EML1: variants seen among roughly 807,000 people sequenced by gnomAD.
EML1 encodes the protein EMAP like 1.
Under a neutral mutation model 110.4 loss-of-function variants are expected in EML1, and 27 were observed. The ratio of observed to expected loss-of-function variants is 0.24; its 90% CI spans 0.18 to 0.34. The LOEUF is 0.34. Among genes scored for constraint, EML1 ranks in the 10% least tolerant of loss-of-function variants. The probability of loss-of-function intolerance (pLI) is 1.00; values close to 1 mark genes in which losing one functional copy is unlikely to be tolerated. For synonymous variants in EML1, 344 were observed against 385.8 expected, an observed-to-expected ratio of 0.89 and a Z score of 1.27; for missense variants, 741 against 1,030.9, an observed-to-expected ratio of 0.72 and a Z score of 3.85.
chr14:99,846,281 A>ATTTTTTTT (rs1251744096), intron 1 of EML1, among the ~76,000 whole-genome samples: 9 of 109,998 alleles, frequency 8.2e-5, no homozygotes, highest in Non-Finnish European at 1.6e-4. Flanking sequence ...CCAGCTGGTG[A>ATTTTTTTT]TTTTTTTTTT....
rs901910636 is a variant in EML1, at chr14:99,781,617, GT to G, written c.-27+7605del. Among the ~76,000 whole-genome samples the G allele has an allele frequency of 2.5e-4, 38 of 152,174 alleles. No homozygotes were observed. The highest frequency in any genetic ancestry group is 1.0e-4 in the Non-Finnish European group (7 of 68,028). ...GCCCAGGTATGTGCACTTCCCATCA[GT>G]CTTCCTGAAGCACAGTCCTAATTCT... On this transcript the variant is annotated intron_variant, in intron 1 of 22. Transcript: ENST00000327921. This position sits in a 1 kb window ranked among gnomAD's most constrained non-coding sequence, Gnocchi z 4.2.
At chr14:99,754,058 A>G (rs1198917097) in intron 1 of EML1, among the ~76,000 whole-genome samples, 2 of 152,210 alleles carry the variant, frequency 1.3e-5, no homozygotes, top group East Asian at 3.9e-4. Context: ...GCTCCTGGAT[A>G]AATCCTTCCC....
chr14:99,908,733 A>G (rs1398913412), intron 10 of EML1, among the ~76,000 whole-genome samples: 1 of 151,984 alleles, frequency 6.6e-6, no homozygotes, highest in East Asian at 1.9e-4. Flanking sequence ...TGCTAGATCT[A>G]CTCCATGGGA....
chr14:99,789,886 G>A (rs543550489), upstream of EML1, among the ~76,000 whole-genome samples: 7 of 152,298 alleles, frequency 4.6e-5, no homozygotes, highest in East Asian at 1.9e-4. Flanking sequence ...TCACAATGGC[G>A]TGGAATATCA....
chr14:99,815,535 T>C (rs572020560), intron 1 of EML1, among the ~76,000 whole-genome samples: 1 of 152,238 alleles, frequency 6.6e-6, no homozygotes, highest in African/African-American at 2.4e-5. Context: ...TTAGAGAAAA[T>C]TGTAATTGAT....
intron 4 of EML1, among the ~76,000 whole-genome samples, chr14:99,886,894 A>C (rs895752182): frequency 6.6e-6 from 1 of 152,232 alleles, no homozygotes; most frequent in East Asian, 1.9e-4. Flanking sequence ...TAGGAGCTTT[A>C]TCAGATGAGT....
chr14:99,782,716 C>T (rs1283524762), intron 1 of EML1, among the ~76,000 whole-genome samples: 10 of 152,148 alleles, frequency 6.6e-5, no homozygotes, highest in East Asian at 5.8e-4. Flanking sequence ...CAAGAGTTAC[C>T]GGACCCCCCA....
intron 17 of EML1, among the ~76,000 whole-genome samples, chr14:99,924,544 G>C (rs1237655882): frequency 6.6e-6 from 1 of 152,158 alleles, no homozygotes; most frequent in African/African-American, 2.4e-5. Context: ...ATGTGAATAT[G>C]GTTTCTCTTT....
At chr14:99,934,544 C>T (rs1230498234) in intron 17 of EML1, among the ~76,000 whole-genome samples, 1 of 152,260 alleles carries the variant, frequency 6.6e-6, no homozygotes, top group African/African-American at 2.4e-5. Context: ...TTACCTGATG[C>T]TTTACGCGCC....
chr14:99,808,562 A>G (rs562501610), intron 1 of EML1, among the ~76,000 whole-genome samples: 1 of 152,258 alleles, frequency 6.6e-6, no homozygotes, highest in South Asian at 2.1e-4. Context: ...AAAACAATAT[A>G]TATTATTTAA....
At chr14:99,796,155 A>G (rs1029610543) in intron 1 of EML1, among the ~76,000 whole-genome samples, 1 of 149,892 alleles carries the variant, frequency 6.7e-6, no homozygotes, top group Non-Finnish European at 1.5e-5. Context: ...CCACTGTACT[A>G]CAGCCTGGGT....
At chr14:99,739,119 A>AGTGTGTGTGTGT (rs71113220) in intron 1 of EML1, among the ~76,000 whole-genome samples, 3 of 134,908 alleles carry the variant, frequency 2.2e-5, no homozygotes, top group African/African-American at 8.9e-5. Context: ...AGAGAGAGAG[A>AGTGTGTGTGTGT]GTGTGTGTGT....
chr14:99,746,980 G>A (rs766595602), intron 1 of EML1, among the ~76,000 whole-genome samples: 1 of 151,984 alleles, frequency 6.6e-6, no homozygotes, highest in African/African-American at 2.4e-5. Context: ...CCGCTCTATC[G>A]GGCGCTGTGC....
rs991627175 is a variant in EML1, at chr14:99,919,505, T to C, written c.1821-1284T>C. Among the ~76,000 whole-genome samples the C allele has an allele frequency of 1.3e-4, 19 of 151,292 alleles. 1 individual carries two copies. Among genetic ancestry groups the C allele is most frequent in the Admixed American group, 1.1e-3 (17 of 15,194 alleles). Reference sequence around the variant, plus strand: ...CTCTCTTTGAGACAGGTAAACCTTCTAACTCATCAGGCTCCCACCTTCTGA... The same window carrying C: ...CTCTCTTTGAGACAGGTAAACCTTCCAACTCATCAGGCTCCCACCTTCTGA... On this transcript the variant is annotated intron_variant, in intron 16 of 21. Transcript: ENST00000262233.
rs1297429703 is a variant in EML1 at position 99,911,480 on chromosome 14, T to C, written c.1398T>C (p.Leu466=). Residue 466 remains leucine (L), a synonymous_variant, in exon 13 of 22, where the codon CTT becomes CTC. Coordinates refer to ENST00000262233, the MANE Select transcript of EML1 (RefSeq NM_004434.3). The stretch of plus-strand genomic sequence containing the variant: ...CCCATGAGGGTGGCATTTTTGCACT[T>C]TGTATGTTAAGAGATGGCACACTGG... ...QGAHEGGIFA[L]CMLRDGTLVS... 1.9e-6 allele frequency: 3 copies of C among 1,612,872 alleles called. No homozygotes were observed. The highest frequency in any genetic ancestry group is 2.7e-5 in the African/African-American group (2 of 74,974).
chr14:99,761,056 G>A (rs1428144371), intron 1 of EML1, among the ~76,000 whole-genome samples: 1 of 152,160 alleles, frequency 6.6e-6, no homozygotes, highest in Non-Finnish European at 1.5e-5. Flanking sequence ...GCCAGACACT[G>A]TTCAAAGAGC....
chr14:99,921,944 T>C (rs1029285152), intron 17 of EML1, among the ~76,000 whole-genome samples: 1 of 152,200 alleles, frequency 6.6e-6, no homozygotes, highest in African/African-American at 2.4e-5. Flanking sequence ...CTGATCTGTT[T>C]TCTGTTTCCA....
rs577282441 is a variant in EML1 at position 99,762,628 on chromosome 14, T to G, written c.28+24768T>G. ...GCCTGGGCAACATGATGAGACCCTT[T>G]CCGTACAAAAAATTTTTTAAAGTAG... is the stretch of plus-strand genomic sequence containing the variant. On this transcript the variant is annotated intron_variant, in intron 1 of 10. Transcript: ENST00000554479. 1.8e-4 allele frequency among the ~76,000 whole-genome samples: 28 copies of G among 152,204 alleles called. 1 individual carries two copies. The South Asian group carries it at 5.6e-3, about 30-fold the overall frequency.
chr14:99,877,999 G>C (rs941241655), intron 3 of EML1, among the ~76,000 whole-genome samples: 1 of 152,154 alleles, frequency 6.6e-6, no homozygotes, highest in Non-Finnish European at 1.5e-5. Context: ...GGACAGCTTT[G>C]AATGTGGCCC....
Sources: gnomAD v4.1 joint callset for allele counts (sites outside exome capture counted in the v4.1 genomes callset) on GRCh38, gnomAD v4.1.1 for gene constraint, Gnocchi (gnomAD v3.1) non-coding constraint, MANE v1.5 for transcripts, NCBI Gene and HGNC (gene_info 2026-07-23, HGNC 2026-07-21) for gene names.